Variants in STK32C observed in about 807,000 individuals in gnomAD.
STK32C encodes serine/threonine-protein kinase 32C.
In STK32C, 31 loss-of-function variants were observed where a neutral mutation model predicts 56.5. That is an observed-to-expected ratio of 0.55 (90% CI 0.41 to 0.74). The LOEUF is 0.74. Among genes scored for constraint, STK32C ranks in the 30% least tolerant of loss-of-function variants. STK32C has a pLI of 0.00. For synonymous variants in STK32C, 309 were observed against 289.4 expected (o/e 1.07, Z -0.69); for missense variants, 544 against 676.9 (o/e 0.80, Z 2.18).
At position 132,222,661 on chromosome 10, in the gene STK32C, T is replaced by C. The variant is rs1209414245; in HGVS notation, c.1231A>G (p.Ser411Gly). 1.2e-6 allele frequency: 2 copies of C among 1,612,866 alleles called. No individual in the cohort carries two copies. Among genetic ancestry groups the C allele is most frequent in the African/African-American group, 1.3e-5 (1 of 74,916 alleles). ...RLAKNKSRDNSRDSSQSENDY... is the reference protein window; with the variant it reads ...RLAKNKSRDNGRDSSQSENDY... ...CTCACGGACTGGGAGCTGTCCCTGC[T>C]GTTGTCCCGGGACTTGTTCTTGGCC... Residue 411 changes from serine (S) to glycine (G), a missense_variant, in exon 10 of 12, where the codon AGC becomes GGC. Ser to Gly is a moderately conservative substitution (Grantham distance 56). Around this residue, in one of 3 missense-constraint regions of STK32C, gnomAD observed 277 missense variants for 309.3 expected, o/e 0.90. Transcript: ENST00000298630.
chr10:132,223,867 GC>G (rs1475321691), intron 8 of STK32C, among the ~76,000 whole-genome samples: 4 of 152,206 alleles, frequency 2.6e-5, no homozygotes, highest in African/African-American at 7.2e-5. Context: ...TCAAGGCACA[GC>G]CCCAGCCTAG....
chr10:132,309,439 TAGAGGGTATTTTTATGGC>T (rs1390239109), upstream of STK32C, among the ~76,000 whole-genome samples: 1 of 152,162 alleles, frequency 6.6e-6, no homozygotes, highest in Non-Finnish European at 1.5e-5. Flanking sequence ...TACTGAGATT[TAGAGGGTATTTTTATGGC>T]AGCATAACCT....
chr10:132,280,563 C>CT, intron 1 of STK32C, among the ~76,000 whole-genome samples: 1 of 139,168 alleles, frequency 7.2e-6, no homozygotes, highest in South Asian at 2.4e-4. Flanking sequence ...CGCCCCTGCA[C>CT]CCCGTGACCA....
chr10:132,274,357 A>C (rs535882291), intron 1 of STK32C, among the ~76,000 whole-genome samples: 3 of 152,362 alleles, frequency 2.0e-5, no homozygotes, highest in Non-Finnish European at 4.4e-5. Context: ...CACCATTGCT[A>C]GGGAAAGGCG....
chr10:132,217,016 T>C (rs1476623989), intron 10 of STK32C, among the ~76,000 whole-genome samples: 1 of 151,908 alleles, frequency 6.6e-6, no homozygotes, highest in Non-Finnish European at 1.5e-5. Context: ...CACTGCCTAG[T>C]GGAGCTCTGA....
At chr10:132,216,252 G>C (rs576183667) in intron 10 of STK32C, among the ~76,000 whole-genome samples, 1 of 152,266 alleles carries the variant, frequency 6.6e-6, no homozygotes, top group South Asian at 2.1e-4. Context: ...ATCACCTGAG[G>C]TCAGGAGTTC....
downstream of STK32C, among the ~76,000 whole-genome samples, chr10:132,319,374 G>A (rs1317253367): frequency 6.6e-6 from 1 of 152,168 alleles, no homozygotes; most frequent in East Asian, 1.9e-4. Context: ...TTAAAGATAG[G>A]TGCATGAATA....
At chr10:132,290,103 C>T (rs1478361133) in intron 1 of STK32C, among the ~76,000 whole-genome samples, 1 of 152,190 alleles carries the variant, frequency 6.6e-6, no homozygotes, top group African/African-American at 2.4e-5. Flanking sequence ...AGATACCAGC[C>T]GGCCACCCTA....
intron 2 of STK32C, among the ~76,000 whole-genome samples, chr10:132,241,421 A>G (rs1400234649): frequency 6.6e-6 from 1 of 152,254 alleles, no homozygotes; most frequent in Non-Finnish European, 1.5e-5. Flanking sequence ...CATGACATAG[A>G]ATAACCATAG....
chr10:132,295,975 G>A (rs1347982527), intron 1 of STK32C, among the ~76,000 whole-genome samples: 1 of 151,672 alleles, frequency 6.6e-6, no homozygotes, highest in Non-Finnish European at 1.5e-5. Flanking sequence ...GCTGCATATG[G>A]TGCCATCCTG....
At chr10:132,272,050 G>A (rs1309723994) in intron 1 of STK32C, among the ~76,000 whole-genome samples, 1 of 152,224 alleles carries the variant, frequency 6.6e-6, no homozygotes, top group Non-Finnish European at 1.5e-5. Context: ...GTGCCTGCAA[G>A]CCCCGGCAGG....
At chr10:132,274,954 T>C (rs1480268039) in intron 1 of STK32C, among the ~76,000 whole-genome samples, 1 of 152,050 alleles carries the variant, frequency 6.6e-6, no homozygotes, top group Non-Finnish European at 1.5e-5. Flanking sequence ...GGGGACAACA[T>C]GGAAGGTGAC....
chr10:132,309,028 C>G (rs751367443), upstream of STK32C, among the ~76,000 whole-genome samples: 10 of 152,216 alleles, frequency 6.6e-5, no homozygotes, highest in Non-Finnish European at 1.0e-4. Flanking sequence ...TCTCTTCCTC[C>G]TCGGTGAAAT....
chr10:132,265,429 G>A (rs370553326), intron 1 of STK32C, among the ~76,000 whole-genome samples: 5 of 152,270 alleles, frequency 3.3e-5, no homozygotes, highest in Middle Eastern at 3.4e-3. Context: ...GGGCAGAAGC[G>A]ACCACCAGAG....
rs1565053667 is a variant in STK32C, at chr10:132,207,749, G to A, written c.*261C>T. ...GGCCCCAGCTCCCCGTGAGCGGTAA[G>A]AGGGCGCCCAGCAGCGCTTCCTCCA... On this transcript the variant is annotated 3_prime_UTR_variant, in exon 12 of 12. Transcript: ENST00000298630. 2.7e-6 allele frequency: 1 copy of A among 368,360 alleles called. No homozygotes were observed. The allele number at this position is 368,360 out of a possible 1,614,324, so 22.8% of individuals were successfully genotyped here.
At chr10:132,290,653 C>CA (rs2065535331) in intron 1 of STK32C, among the ~76,000 whole-genome samples, 1 of 152,234 alleles carries the variant, frequency 6.6e-6, no homozygotes, top group Non-Finnish European at 1.5e-5. Flanking sequence ...AAGACCAAGC[C>CA]AGTGTCCAGC....
At chr10:132,285,949 C>G (rs1403905475) in intron 1 of STK32C, among the ~76,000 whole-genome samples, 1 of 151,958 alleles carries the variant, frequency 6.6e-6, no homozygotes, top group Admixed American at 6.6e-5. Context: ...ACAGTGAAAT[C>G]CCATCTCTAC....
chr10:132,260,639 G>A (rs2064271971), intron 1 of STK32C, among the ~76,000 whole-genome samples: 1 of 152,234 alleles, frequency 6.6e-6, no homozygotes, highest in African/African-American at 2.4e-5. Flanking sequence ...GGGGCCAGCA[G>A]ATACCCATGA....
At chr10:132,261,272 G>A (rs573222388) in intron 1 of STK32C, among the ~76,000 whole-genome samples, 7 of 152,292 alleles carry the variant, frequency 4.6e-5, no homozygotes, top group East Asian at 3.9e-4. Flanking sequence ...ACTGACAAAC[G>A]ACCTCAGTAA....
Sources: gnomAD v4.1 joint callset for allele counts (sites outside exome capture counted in the v4.1 genomes callset) on GRCh38, gnomAD v4.1.1 for gene constraint, gnomAD v4.1.1 regional missense constraint, MANE v1.5 for transcripts, NCBI Gene and HGNC (gene_info 2026-07-23, HGNC 2026-07-21) for gene names.